STAU1: variants seen among roughly 807,000 people sequenced by gnomAD.
STAU1 encodes double-stranded RNA-binding protein Staufen homolog 1.
In STAU1, 13 loss-of-function variants were observed where a neutral mutation model predicts 62.9. That is an observed-to-expected ratio of 0.21 (90% confidence interval 0.13 to 0.33). STAU1 has a LOEUF of 0.33. Among genes scored for constraint, STAU1 ranks in the 10% least tolerant of loss-of-function variants. The pLI is 1.00. For synonymous variants in STAU1, 269 were observed against 265.1 expected, an observed-to-expected ratio of 1.01 and a Z score of -0.14; for missense variants, 571 against 712.1, an observed-to-expected ratio of 0.80 and a Z score of 2.25.
upstream of STAU1, among the ~76,000 whole-genome samples, chr20:49,191,564 G>C (rs117741783): frequency 6.6e-6 from 1 of 152,110 alleles, no homozygotes; most frequent in South Asian, 2.1e-4. Context: ...TTATCTCTGC[G>C]CAAGTCCCTA....
In STAU1 at chr20:49,115,301, GTTTTT is replaced by G. The variant is rs893795269; in HGVS notation, c.1719-413_1719-409del. On this transcript the variant is annotated intron_variant, in intron 13 of 13. Coordinates refer to ENST00000371856, the MANE Select transcript of STAU1 (RefSeq NM_017453.4). ...GTGAAGGTATGACCAACTCAAAAAG[GTTTTT>G]TTGTTTTTTTTTGGGACGGAGTCTT... 3.9e-5 allele frequency among the ~76,000 whole-genome samples: 6 copies of G among 152,014 alleles called. 1 individual carries two copies. Among genetic ancestry groups the G allele is most frequent in the Middle Eastern group, 3.4e-3 (1 of 292 alleles).
At chr20:49,124,274 G>T in intron 7 of STAU1, 101 bp downstream of exon 7, 3 of 1,217,404 alleles carry the variant, frequency 2.5e-6, no homozygotes, top group Non-Finnish European at 3.5e-6. Context: ...GTGGCACGTT[G>T]GTCTCATCCC....
chr20:49,216,585 G>A, the STAU1 span, among the ~76,000 whole-genome samples: 1 of 152,172 alleles, frequency 6.6e-6, no homozygotes, highest in Admixed American at 6.6e-5. Context: ...AAAATGAATT[G>A]AGGGGAGAAA....
At chr20:49,170,427 C>T (rs912105116) in intron 2 of STAU1, among the ~76,000 whole-genome samples, 4 of 152,080 alleles carry the variant, frequency 2.6e-5, no homozygotes, top group East Asian at 1.9e-4. Flanking sequence ...CTTGGCTCAC[C>T]GTAACCTCTG....
At chr20:49,178,472 G>A (rs1487836950) in intron 1 of STAU1, among the ~76,000 whole-genome samples, 3 of 152,104 alleles carry the variant, frequency 2.0e-5, no homozygotes, top group South Asian at 2.1e-4. Context: ...AAATTAGGCC[G>A]GCGCAGTGAC....
chr20:49,167,133 C>T (rs2093537637), intron 2 of STAU1, among the ~76,000 whole-genome samples: 1 of 152,114 alleles, frequency 6.6e-6, no homozygotes, highest in African/African-American at 2.4e-5. Flanking sequence ...CATTAAATTT[C>T]TTCACGAGAC....
At chr20:49,118,168 C>T (rs2092376274) in intron 10 of STAU1, 72 bp from the exon 11 acceptor site, 1 of 1,477,530 alleles carries the variant, frequency 6.8e-7, no homozygotes, top group Non-Finnish European at 9.4e-7. Flanking sequence ...ACCATCAAAC[C>T]CCACGCTGGC....
chr20:49,177,513 C>T (rs780107249), intron 1 of STAU1, among the ~76,000 whole-genome samples: 1 of 151,768 alleles, frequency 6.6e-6, no homozygotes, highest in Non-Finnish European at 1.5e-5. Context: ...CCCGTCTCTA[C>T]TAAAAATACA....
At chr20:49,132,800 T>C (rs1015765089) in intron 6 of STAU1, among the ~76,000 whole-genome samples, 6 of 152,068 alleles carry the variant, frequency 3.9e-5, no homozygotes, top group African/African-American at 1.4e-4. Flanking sequence ...GCTGTATATA[T>C]TTTTCCAAAA....
chr20:49,146,203 T>C (rs1352474776), intron 5 of STAU1, among the ~76,000 whole-genome samples: 2 of 151,852 alleles, frequency 1.3e-5, no homozygotes, highest in Non-Finnish European at 2.9e-5. Flanking sequence ...GAGGCGGAGG[T>C]TGCAGTGAGC....
intron 1 of STAU1, among the ~76,000 whole-genome samples, chr20:49,187,742 A>G (rs2093805894): frequency 6.8e-6 from 1 of 147,698 alleles, no homozygotes; most frequent in South Asian, 2.2e-4. Flanking sequence ...CGACACTGAG[A>G]GGCTCCAGCC....
the STAU1 span, among the ~76,000 whole-genome samples, chr20:49,195,460 C>A: frequency 3.0e-4 from 40 of 135,366 alleles, no homozygotes; most frequent in Non-Finnish European, 5.1e-4. Context: ...ATGGCGTGAA[C>A]CCGGGAGGCG....
chr20:49,192,957 C>G (rs1414263492), upstream of STAU1, among the ~76,000 whole-genome samples: 1 of 152,128 alleles, frequency 6.6e-6, no homozygotes, highest in East Asian at 1.9e-4. Context: ...AAATAGCAAA[C>G]ATACTATTGG....
chr20:49,127,168 C>T (rs1205949910), intron 6 of STAU1, among the ~76,000 whole-genome samples: 1 of 151,794 alleles, frequency 6.6e-6, no homozygotes, highest in African/African-American at 2.4e-5. Context: ...GCCTGGCCAA[C>T]ATAGTGAAAC....
chr20:49,162,029 T>C (rs1244882579), intron 3 of STAU1, among the ~76,000 whole-genome samples: 2 of 152,172 alleles, frequency 1.3e-5, no homozygotes, highest in African/African-American at 4.8e-5. Flanking sequence ...CACTGGTTAC[T>C]GAAACAGCCG....
chr20:49,199,502 T>G, the STAU1 span, among the ~76,000 whole-genome samples: 4 of 151,950 alleles, frequency 2.6e-5, no homozygotes, highest in African/African-American at 9.7e-5. Flanking sequence ...GTGCTGGGAT[T>G]ACAGGCCTGA....
In STAU1 at chr20:49,113,524, T is replaced by C. The variant is rs2092231080; in HGVS notation, c.*1354A>G. The C allele has an allele frequency of 1.3e-5, 2 of 152,568 alleles. No individual in the cohort carries two copies. Among genetic ancestry groups the C allele is most frequent in the African/African-American group, 4.8e-5 (2 of 41,432 alleles). 9.5% of individuals were successfully genotyped at this position (152,568 alleles called of 1,614,324 possible). A position where few individuals can be genotyped will look rare whatever the true frequency, so the allele number is the denominator to read the frequency against. On this transcript the variant is annotated 3_prime_UTR_variant, in exon 14 of 14. Transcript: ENST00000371856. ...TTTGAGAATAAATTAACAAAAAAAT[T>C]TAGTATTACCATTTATTGATGACAA...
chr20:49,119,308 G>A (rs2092409749), intron 9 of STAU1, among the ~76,000 whole-genome samples: 1 of 152,084 alleles, frequency 6.6e-6, no homozygotes. Context: ...CAGCCTTGTA[G>A]CTCGGGCTAC....
intron 7 of STAU1, 80 bp from the exon 8 acceptor site, chr20:49,123,315 G>C (rs759105508): frequency 9.2e-5 from 147 of 1,594,496 alleles, no homozygotes; most frequent in Non-Finnish European, 1.1e-4. Flanking sequence ...GGATATGAGA[G>C]GAGATAAGAG....
Sources: allele counts gnomAD v4.1 joint callset (sites outside exome capture counted in the v4.1 genomes callset), GRCh38; gene constraint gnomAD v4.1.1; transcripts MANE v1.5; gene names NCBI Gene and HGNC (gene_info 2026-07-23, HGNC 2026-07-21).